The following SKAP2 variants were observed in gnomAD, a reference collection of about 807,000 sequenced individuals.
SKAP2 encodes src kinase-associated phosphoprotein 2.
Under a neutral mutation model 54.9 loss-of-function variants are expected in SKAP2, and 28 were observed. That is an observed-to-expected ratio of 0.51 (90% CI 0.38 to 0.70). The LOEUF (loss-of-function observed/expected upper bound fraction) is 0.70. SKAP2 is among the 30% of genes least tolerant of loss of function. The pLI, the probability that SKAP2 is intolerant of heterozygous loss-of-function variation, is 0.00. For missense variants in SKAP2, 356 were observed against 424.1 expected (o/e 0.84, Z 1.41); for synonymous variants, 137 against 134.3 (o/e 1.02, Z -0.14).
intron 6 of SKAP2, among the ~76,000 whole-genome samples, chr7:26,734,352 T>G (rs556984557): frequency 6.6e-6 from 1 of 152,282 alleles, no homozygotes; most frequent in South Asian, 2.1e-4. Context: ...AGGCCCTTAT[T>G]CTCAGAAGGT....
At chr7:26,751,999 G>A (rs1443424543) in intron 4 of SKAP2, among the ~76,000 whole-genome samples, 1 of 152,112 alleles carries the variant, frequency 6.6e-6, no homozygotes, top group Non-Finnish European at 1.5e-5. Context: ...GAGAATTGGG[G>A]TGAAAGGTAT....
At chr7:26,699,070 A>C (rs992747389) in intron 9 of SKAP2, among the ~76,000 whole-genome samples, 7 of 152,192 alleles carry the variant, frequency 4.6e-5, no homozygotes, top group Non-Finnish European at 7.3e-5. Flanking sequence ...TGGGTAAAAG[A>C]TCCATTCAAC....
chr7:26,843,873 G>A (rs1055623069), intron 4 of SKAP2, among the ~76,000 whole-genome samples, 157 bp downstream of exon 4: 1 of 152,014 alleles, frequency 6.6e-6, no homozygotes, highest in African/African-American at 2.4e-5. Flanking sequence ...AACCTCACCA[G>A]AACCACTAGA....
chr7:26,659,424 G>C, the SKAP2 span, among the ~76,000 whole-genome samples: 1 of 152,248 alleles, frequency 6.6e-6, no homozygotes, highest in East Asian at 1.9e-4. Flanking sequence ...AGTGCAGCAA[G>C]AGGTGTAATG....
chr7:26,754,635 A>G (rs1562598293), intron 4 of SKAP2, among the ~76,000 whole-genome samples: 1 of 152,220 alleles, frequency 6.6e-6, no homozygotes, highest in Admixed American at 6.5e-5. Context: ...AAACGTCAAA[A>G]TTAAACTTTG....
At chr7:26,754,351 G>T (rs1005591124) in intron 4 of SKAP2, among the ~76,000 whole-genome samples, 2 of 106,918 alleles carry the variant, frequency 1.9e-5, no homozygotes, top group Non-Finnish European at 3.6e-5. Context: ...GCAACACAGT[G>T]AGACTCCGTC....
chr7:26,809,988 A>AAAAAAGCCAGGCACAGT (rs1204140837), intron 4 of SKAP2, among the ~76,000 whole-genome samples: 1 of 152,210 alleles, frequency 6.6e-6, no homozygotes, highest in Non-Finnish European at 1.5e-5. Flanking sequence ...TAAGTTAAGT[A>AAAAAAGCCAGGCACAGT]AAAAAGCCAG....
chr7:26,858,539 A>T (rs1785220625), intron 1 of SKAP2, among the ~76,000 whole-genome samples: 1 of 152,090 alleles, frequency 6.6e-6, no homozygotes, highest in Non-Finnish European at 1.5e-5. Flanking sequence ...GAAATCTCTC[A>T]ATTGCCATGG....
At chr7:26,799,323 C>G (rs577013237) in intron 4 of SKAP2, among the ~76,000 whole-genome samples, 1 of 151,302 alleles carries the variant, frequency 6.6e-6, no homozygotes, top group South Asian at 2.1e-4. Flanking sequence ...ACAGGAAACA[C>G]ATTTCACCTA....
chr7:26,853,219 C>T (rs1339511731), intron 3 of SKAP2, among the ~76,000 whole-genome samples: 2 of 152,070 alleles, frequency 1.3e-5, no homozygotes, highest in African/African-American at 4.8e-5. Context: ...TCTCACTTAC[C>T]AGTTGGCACA....
chr7:26,844,931 T>C (rs1015762631), intron 3 of SKAP2, among the ~76,000 whole-genome samples: 5 of 152,198 alleles, frequency 3.3e-5, no homozygotes, highest in African/African-American at 1.2e-4. Context: ...CACAAGATCT[T>C]GTGGTTTCAA....
intron 4 of SKAP2, among the ~76,000 whole-genome samples, chr7:26,805,861 C>T (rs1330322610): frequency 6.6e-6 from 1 of 152,176 alleles, no homozygotes; most frequent in Non-Finnish European, 1.5e-5. Flanking sequence ...TTGCACATTG[C>T]AGACATCGCA....
intron 9 of SKAP2, among the ~76,000 whole-genome samples, chr7:26,711,053 TG>T (rs2127949992): frequency 6.6e-6 from 1 of 152,306 alleles, no homozygotes; most frequent in African/African-American, 2.4e-5. Flanking sequence ...TTGTTTCTAG[TG>T]GAATGACCAC....
At chr7:26,805,055 G>A (rs577668893) in intron 4 of SKAP2, among the ~76,000 whole-genome samples, 37 of 151,994 alleles carry the variant, frequency 2.4e-4, no homozygotes, top group Non-Finnish European at 4.6e-4. Flanking sequence ...ATTTTAACAG[G>A]GGTTAGTTTT....
At chr7:26,725,024 G>A (rs1787670637) in intron 9 of SKAP2, among the ~76,000 whole-genome samples, 1 of 151,870 alleles carries the variant, frequency 6.6e-6, no homozygotes, top group Non-Finnish European at 1.5e-5. Context: ...TAACATCTGG[G>A]GTGTGCATAG....
intron 9 of SKAP2, among the ~76,000 whole-genome samples, chr7:26,696,802 G>T (rs548501270): frequency 6.6e-6 from 1 of 152,016 alleles, no homozygotes. Flanking sequence ...ACACAAATCT[G>T]CTTTGGGAGG....
At chr7:26,681,472 T>C (rs1293760147) in intron 11 of SKAP2, among the ~76,000 whole-genome samples, 1 of 152,082 alleles carries the variant, frequency 6.6e-6, no homozygotes, top group Non-Finnish European at 1.5e-5. Flanking sequence ...AAAAACAAAA[T>C]TAAAACACTC....
At chr7:26,840,805 G>T (rs1784803650) in intron 4 of SKAP2, among the ~76,000 whole-genome samples, 1 of 151,984 alleles carries the variant, frequency 6.6e-6, no homozygotes, top group Non-Finnish European at 1.5e-5. Flanking sequence ...CAGCAGTCAT[G>T]CAATCATTTA....
At chr7:26,800,187 G>T in intron 4 of SKAP2, among the ~76,000 whole-genome samples, 1 of 151,948 alleles carries the variant, frequency 6.6e-6, no homozygotes, top group Admixed American at 6.6e-5. Context: ...GACCACAATG[G>T]AATAAAATTC....
Sources: gnomAD v4.1 joint callset for allele counts (sites outside exome capture counted in the v4.1 genomes callset) on GRCh38, gnomAD v4.1.1 for gene constraint, MANE v1.5 for transcripts, NCBI Gene and HGNC (gene_info 2026-07-23, HGNC 2026-07-21) for gene names.